Variants in PARD3 observed in about 807,000 individuals in gnomAD.
PARD3 encodes partitioning defective 3 homolog.
Under a neutral mutation model 155.4 loss-of-function variants are expected in PARD3, and 75 were observed. The ratio of observed to expected loss-of-function variants is 0.48; its 90% CI spans 0.40 to 0.58. The LOEUF is 0.58. Among genes scored for constraint, PARD3 ranks in the 20% least tolerant of loss-of-function variants. The pLI is 0.00. For synonymous variants in PARD3, 576 were observed against 610.5 expected (o/e 0.94, Z 0.83); for missense variants, 1,642 against 1,721.7 (o/e 0.95, Z 0.82).
intron 2 of PARD3, among the ~76,000 whole-genome samples, chr10:34,674,114 T>C (rs2093657860): frequency 6.6e-6 from 1 of 152,130 alleles, no homozygotes; most frequent in Non-Finnish European, 1.5e-5. Context: ...TGATGAACAG[T>C]TCTGTACTCA....
intron 22 of PARD3, among the ~76,000 whole-genome samples, chr10:34,153,243 C>T (rs1459513972): frequency 2.6e-5 from 4 of 152,068 alleles, no homozygotes; most frequent in South Asian, 2.1e-4. Flanking sequence ...CCTGAGAGGC[C>T]GCAAGTGATC....
At chr10:34,571,739 G>A (rs1219396948) in intron 2 of PARD3, among the ~76,000 whole-genome samples, 1 of 152,190 alleles carries the variant, frequency 6.6e-6, no homozygotes, top group Non-Finnish European at 1.5e-5. Flanking sequence ...ACCTAGTAAG[G>A]TTGAACCAAC....
intron 2 of PARD3, among the ~76,000 whole-genome samples, chr10:34,615,689 C>T (rs1057409738): frequency 6.6e-6 from 1 of 152,132 alleles, no homozygotes; most frequent in African/African-American, 2.4e-5. Context: ...AAAATATGTG[C>T]AAACTATTCA....
intron 3 of PARD3, among the ~76,000 whole-genome samples, chr10:34,479,442 G>C (rs1312732332): frequency 1.3e-5 from 2 of 152,136 alleles, no homozygotes; most frequent in East Asian, 3.9e-4. Flanking sequence ...ATTACTTTGG[G>C]GCGCGTGAGC....
chr10:34,652,849 G>C (rs75475553), intron 2 of PARD3, among the ~76,000 whole-genome samples: 2 of 152,296 alleles, frequency 1.3e-5, no homozygotes, highest in East Asian at 3.9e-4. Flanking sequence ...TACATATAAA[G>C]TTAACAGTGC....
chr10:34,564,178 G>A (rs1260183064), intron 2 of PARD3, among the ~76,000 whole-genome samples: 3 of 152,152 alleles, frequency 2.0e-5, no homozygotes, highest in Non-Finnish European at 4.4e-5. Flanking sequence ...AAGTAAAAAT[G>A]TTACATGTGC....
intron 20 of PARD3, among the ~76,000 whole-genome samples, chr10:34,297,131 C>T (rs993813429): frequency 5.9e-5 from 9 of 152,066 alleles, no homozygotes; most frequent in African/African-American, 2.2e-4. Flanking sequence ...AGTGAGACCA[C>T]GTCTCTAGAA....
At chr10:34,584,941 C>CT (rs564202732) in intron 2 of PARD3, among the ~76,000 whole-genome samples, 4 of 152,062 alleles carry the variant, frequency 2.6e-5, no homozygotes, top group African/African-American at 9.6e-5. Flanking sequence ...TTTGCAAAGA[C>CT]TTTTTTTTCA....
Position 34,141,629 on chromosome 10 carries a change from A to T in PARD3, c.3420-10046T>A, listed in dbSNP as rs528943712. On this transcript the variant is annotated intron_variant, in intron 22 of 24. Coordinates refer to ENST00000374788, the MANE Select transcript of PARD3 (RefSeq NM_001184785.2). ...AGGACTATCATTTTATAAGCAACAA[A>T]ACCTCAGGAATGTACCCCTCGCCCT... 4.6e-5 allele frequency among the ~76,000 whole-genome samples: 7 copies of T among 152,252 alleles called. No individual in the cohort carries two copies. In the South Asian group the frequency reaches 1.5e-3, roughly 32 times the overall value.
chr10:34,706,945 A>C (rs1273049398), intron 1 of PARD3, among the ~76,000 whole-genome samples: 1 of 151,930 alleles, frequency 6.6e-6, no homozygotes, highest in Non-Finnish European at 1.5e-5. Flanking sequence ...CTGTCTCCAC[A>C]AAAAATTTTA....
At chr10:34,121,057 C>CAA (rs1400261781) in intron 23 of PARD3, among the ~76,000 whole-genome samples, 1 of 109,046 alleles carries the variant, frequency 9.2e-6, no homozygotes, top group African/African-American at 3.7e-5. Context: ...GACCCTGTCT[C>CAA]AAAAAAAGAA....
intron 22 of PARD3, among the ~76,000 whole-genome samples, chr10:34,143,831 G>A (rs2645229): frequency 0.23 from 34,823 of 152,010 alleles, 4,880 homozygotes; most frequent in Non-Finnish European, 0.3. Flanking sequence ...AACCATTAAT[G>A]AAGAGTTTGT....
At chr10:34,740,523 A>AG (rs1554823503) in intron 1 of PARD3, among the ~76,000 whole-genome samples, 1 of 152,096 alleles carries the variant, frequency 6.6e-6, no homozygotes, top group Non-Finnish European at 1.5e-5. Flanking sequence ...AGTGAGTGAT[A>AG]GGACTGTAAC....
At chr10:34,511,884 C>G (rs1199499228) in intron 3 of PARD3, among the ~76,000 whole-genome samples, 2 of 152,118 alleles carry the variant, frequency 1.3e-5, no homozygotes, top group African/African-American at 4.8e-5. Flanking sequence ...CACCACCATG[C>G]CCACCTAATA....
intron 3 of PARD3, among the ~76,000 whole-genome samples, chr10:34,472,280 G>T (rs1475291011): frequency 6.6e-6 from 1 of 152,070 alleles, no homozygotes; most frequent in Admixed American, 6.6e-5. Context: ...AAACATTCAT[G>T]ACAACCTTTG....
Position 34,695,185 on chromosome 10 carries a change from G to T in PARD3, c.222+1133C>A, listed in dbSNP as rs554849790. 2.6e-5 allele frequency among the ~76,000 whole-genome samples: 4 copies of T among 152,262 alleles called. 1 individual carries two copies. The South Asian group carries it at 8.3e-4, about 32-fold the overall frequency. ...ATTCCTTATAAGCCAAATACAAAAGGAGTGGCCAGGGCCGGGTGTGGTGGC... is the reference window on the plus strand; with the variant it reads ...ATTCCTTATAAGCCAAATACAAAAGTAGTGGCCAGGGCCGGGTGTGGTGGC... On this transcript the variant is annotated intron_variant, in intron 2 of 24. Transcript: ENST00000374788.
chr10:34,538,657 A>G (rs1413087464), intron 2 of PARD3, among the ~76,000 whole-genome samples: 4 of 152,220 alleles, frequency 2.6e-5, no homozygotes, highest in Admixed American at 6.5e-5. Context: ...TCAATCTTGC[A>G]TGAAGCACTT....
intron 1 of PARD3, among the ~76,000 whole-genome samples, chr10:34,763,351 C>G (rs1053888691): frequency 6.6e-6 from 1 of 152,154 alleles, no homozygotes; most frequent in African/African-American, 2.4e-5. Context: ...GGAAAGGTCA[C>G]TATTTTTGAA....
intron 1 of PARD3, among the ~76,000 whole-genome samples, chr10:34,698,446 C>A (rs1268379709): frequency 3.9e-5 from 6 of 152,220 alleles, no homozygotes. Flanking sequence ...TCCAGGCCAG[C>A]CCTGTCTGTC....
Sources: allele counts gnomAD v4.1 joint callset (sites outside exome capture counted in the v4.1 genomes callset), GRCh38; gene constraint gnomAD v4.1.1; transcripts MANE v1.5; gene names NCBI Gene and HGNC (gene_info 2026-07-23, HGNC 2026-07-21).